EPHA5: variants seen among roughly 807,000 people sequenced by gnomAD.
EPHA5 encodes the protein ephrin type-A receptor 5.
Under a neutral mutation model 105.0 loss-of-function variants are expected in EPHA5, and 60 were observed. The ratio of observed to expected loss-of-function variants is 0.57; its 90% CI spans 0.46 to 0.71. EPHA5 has a LOEUF of 0.71. Ranked by LOEUF, EPHA5 falls within the 30% of genes least tolerant of loss-of-function variation. The probability of loss-of-function intolerance (pLI) is 0.00; values close to 1 mark genes in which losing one functional copy is unlikely to be tolerated. For missense variants in EPHA5, 1,218 were observed against 1,274.7 expected, an observed-to-expected ratio of 0.96 and a Z score of 0.68; for synonymous variants, 513 against 449.1, an observed-to-expected ratio of 1.14 and a Z score of -1.80.
At chr4:65,411,692 A>C (rs1722924783) in intron 7 of EPHA5, among the ~76,000 whole-genome samples, 1 of 152,198 alleles carries the variant, frequency 6.6e-6, no homozygotes, top group Admixed American at 6.5e-5. Context: ...GTATGAAGTA[A>C]ATAATTGCCC....
chr4:65,532,251 G>T (rs911995149), intron 3 of EPHA5, among the ~76,000 whole-genome samples: 1 of 151,980 alleles, frequency 6.6e-6, no homozygotes, highest in Non-Finnish European at 1.5e-5. Context: ...ATTAGTAATG[G>T]AATTTAATGT....
chr4:65,547,141 G>C (rs1324446079), intron 3 of EPHA5, among the ~76,000 whole-genome samples: 1 of 151,960 alleles, frequency 6.6e-6, no homozygotes, highest in African/African-American at 2.4e-5. Context: ...GTCTGTGTAG[G>C]TGTTTGTGTG....
intron 1 of EPHA5, among the ~76,000 whole-genome samples, chr4:65,663,802 A>G (rs1749741792): frequency 6.6e-6 from 1 of 152,012 alleles, no homozygotes; most frequent in Non-Finnish European, 1.5e-5. Context: ...GGAATTCTAT[A>G]GGGTCAAAAG....
chr4:65,657,425 A>G (rs1749172437), intron 1 of EPHA5, among the ~76,000 whole-genome samples: 1 of 152,158 alleles, frequency 6.6e-6, no homozygotes, highest in Admixed American at 6.6e-5. Context: ...ATTAAATTAC[A>G]AAGAGGTAGT....
At chr4:65,418,439 A>G (rs1383664650) in intron 6 of EPHA5, among the ~76,000 whole-genome samples, 1 of 152,200 alleles carries the variant, frequency 6.6e-6, no homozygotes, top group Non-Finnish European at 1.5e-5. Flanking sequence ...TTGATTAACT[A>G]CAGTTTTGTT....
At chr4:65,573,817 A>G in intron 3 of EPHA5, 2 of 1,613,714 alleles carry the variant, frequency 1.2e-6, no homozygotes, top group Non-Finnish European at 1.7e-6. Context: ...CCTACTGAAG[A>G]TGTGCCTCGA....
intron 3 of EPHA5, among the ~76,000 whole-genome samples, chr4:65,582,507 C>T (rs560043860): frequency 2.1e-4 from 31 of 150,816 alleles, no homozygotes; most frequent in South Asian, 1.5e-3. Context: ...AGAAGTATTC[C>T]TTTTCTTACT....
intron 3 of EPHA5, among the ~76,000 whole-genome samples, chr4:65,533,720 A>G (rs1390351706): frequency 6.6e-6 from 1 of 152,088 alleles, no homozygotes; most frequent in African/African-American, 2.4e-5. Flanking sequence ...GGATCACCTG[A>G]GGTCAGGAGT....
chr4:65,512,453 G>A (rs984288960), intron 3 of EPHA5, among the ~76,000 whole-genome samples: 1 of 151,970 alleles, frequency 6.6e-6, no homozygotes, highest in African/African-American at 2.4e-5. Flanking sequence ...TTGGATGATG[G>A]GGTTGCATCC....
intron 8 of EPHA5, among the ~76,000 whole-genome samples, chr4:65,386,246 A>AC (rs1337362870): frequency 1.4e-4 from 22 of 151,968 alleles, no homozygotes; most frequent in Non-Finnish European, 2.9e-4. Context: ...TAATGACTGT[A>AC]CTTTTTGCTT....
chr4:65,441,852 C>T (rs1204200620), intron 5 of EPHA5, among the ~76,000 whole-genome samples: 1 of 152,016 alleles, frequency 6.6e-6, no homozygotes, highest in African/African-American at 2.4e-5. Context: ...ACTAGCTAGC[C>T]AAATCAATTG....
intron 8 of EPHA5, among the ~76,000 whole-genome samples, chr4:65,377,974 T>C (rs1719174512): frequency 6.6e-6 from 1 of 151,962 alleles, no homozygotes; most frequent in Non-Finnish European, 1.5e-5. Flanking sequence ...CAGGCTTTCA[T>C]TTAAAATCTG....
intron 16 of EPHA5, among the ~76,000 whole-genome samples, chr4:65,325,215 T>C (rs1719961411): frequency 6.6e-6 from 1 of 151,342 alleles, no homozygotes; most frequent in African/African-American, 2.4e-5. Flanking sequence ...TAATTCAAGA[T>C]TTTCTTAGAG....
At chr4:65,384,199 T>C (rs190606802) in intron 8 of EPHA5, among the ~76,000 whole-genome samples, 2 of 151,970 alleles carry the variant, frequency 1.3e-5, no homozygotes, top group East Asian at 3.9e-4. Context: ...TCCATCATAC[T>C]CTCCCGACCA....
intron 5 of EPHA5, among the ~76,000 whole-genome samples, chr4:65,461,066 TA>T (rs1728076115): frequency 2.0e-5 from 3 of 151,890 alleles, no homozygotes; most frequent in Admixed American, 2.0e-4. Flanking sequence ...ATTTAAATCA[TA>T]AATACCCTCA....
At position 65,616,454 on chromosome 4, in the gene EPHA5, C is replaced by G. The variant is rs62297717; in HGVS notation, c.247-14150G>C. Among the ~76,000 whole-genome samples the G allele has an allele frequency of 6.8e-3, 1,002 of 147,920 alleles. 15 individuals carry two copies. The highest frequency in any genetic ancestry group is 0.061 in the East Asian group (311 of 5,070). On this transcript the variant is annotated intron_variant, in intron 2 of 16. Transcript: ENST00000613740. ...ACACACACACACACACACACACACA[C>G]AGAGAGAGAGAGAGAGAGAAGAGCA...
rs569479843 is a variant in EPHA5, at chr4:65,585,406, T to C, written c.910+16235A>G. On this transcript the variant is annotated intron_variant, in intron 3 of 16. Transcript: ENST00000613740. ...CCAGGTTTTAAATCTTACCTAGGAG[T>C]TGAAACTGAGAGGTTTTCAGGATTC... Among the ~76,000 whole-genome samples the C allele has an allele frequency of 2.7e-5, 4 of 150,756 alleles. No homozygotes were observed. In the South Asian group the frequency reaches 6.3e-4, roughly 24 times the overall value.
chr4:65,645,364 C>T (rs1748027499), intron 1 of EPHA5, among the ~76,000 whole-genome samples: 1 of 151,188 alleles, frequency 6.6e-6, no homozygotes, highest in African/African-American at 2.4e-5. Context: ...GTAGATGAGA[C>T]AAAGTAGAGC....
At chr4:65,553,944 G>A (rs919607372) in intron 3 of EPHA5, among the ~76,000 whole-genome samples, 4 of 152,054 alleles carry the variant, frequency 2.6e-5, no homozygotes, top group Middle Eastern at 6.8e-3. Context: ...TTTCTGAGCA[G>A]CTGTACAAAG....
Sources: allele counts gnomAD v4.1 joint callset (sites outside exome capture counted in the v4.1 genomes callset), GRCh38; gene constraint gnomAD v4.1.1; transcripts MANE v1.5; gene names NCBI Gene and HGNC (gene_info 2026-07-23, HGNC 2026-07-21).